USP49: variants seen among roughly 807,000 people sequenced by gnomAD.
USP49 encodes the protein ubiquitin specific peptidase 49, also known as ubiquitin carboxyl-terminal hydrolase 49.
USP49 carries 24 observed loss-of-function variants against 58.6 expected under a neutral mutation model. The ratio of observed to expected loss-of-function variants is 0.41; its 90% confidence interval spans 0.30 to 0.58. The LOEUF is 0.58. USP49 is among the 20% of genes least tolerant of loss of function. The probability of loss-of-function intolerance (pLI) is 0.30; values close to 1 mark genes in which losing one functional copy is unlikely to be tolerated. For missense variants in USP49, 703 were observed against 866.1 expected, an observed-to-expected ratio of 0.81 and a Z score of 2.36; for synonymous variants, 408 against 365.1, an observed-to-expected ratio of 1.12 and a Z score of -1.34.
chr6:41,818,642 AC>A (rs1773400083), intron 3 of USP49, among the ~76,000 whole-genome samples: 1 of 152,134 alleles, frequency 6.6e-6, no homozygotes, highest in Admixed American at 6.6e-5. Context: ...TCCCTCACTA[AC>A]CTGGGGAATC....
At position 41,853,956 on chromosome 6, in the gene USP49, G is replaced by A. The variant is rs189671568; in HGVS notation, c.-29+17608C>T. 1.1e-3 allele frequency among the ~76,000 whole-genome samples: 120 copies of A among 111,242 alleles called. 1 individual carries two copies. Among genetic ancestry groups the A allele is most frequent in the African/African-American group, 4.0e-3 (112 of 28,190 alleles). The allele number at this position is 111,242 out of a possible 152,430, so 73.0% of individuals were successfully genotyped here. On this transcript the variant is annotated intron_variant, in intron 3 of 7. Transcript: ENST00000682992. Reference sequence around the variant, plus strand: ...GGAGGTTGAGGTGAGCCAAGATTGCGCCATTGCACTCCAGCCTGGGCAACA... The same window carrying A: ...GGAGGTTGAGGTGAGCCAAGATTGCACCATTGCACTCCAGCCTGGGCAACA...
intron 3 of USP49, among the ~76,000 whole-genome samples, chr6:41,812,694 CA>C (rs1773280544): frequency 6.6e-6 from 1 of 151,512 alleles, no homozygotes; most frequent in South Asian, 2.1e-4. Flanking sequence ...GACTCCGTCT[CA>C]AAAAAAACTT....
chr6:41,807,077 T>TTAAA, intron 3 of USP49, 66 bp from the exon 4 acceptor site: 1 of 1,040,726 alleles, frequency 9.6e-7, no homozygotes, highest in Non-Finnish European at 1.2e-6. Flanking sequence ...ATATTTTCCT[T>TTAAA]AAAAAAAAAA....
At chr6:41,837,799 T>G (rs761230181) in intron 3 of USP49, among the ~76,000 whole-genome samples, 1 of 152,232 alleles carries the variant, frequency 6.6e-6, no homozygotes, top group South Asian at 2.1e-4. Flanking sequence ...GCAAAGGACA[T>G]GAACATACAT....
chr6:41,857,242 A>G (rs766044847), intron 3 of USP49, among the ~76,000 whole-genome samples: 1 of 152,256 alleles, frequency 6.6e-6, no homozygotes, highest in Non-Finnish European at 1.5e-5. Context: ...CCTAAAAAAT[A>G]AAACTGGAAG....
At chr6:41,812,233 C>A (rs1474742892) in intron 3 of USP49, among the ~76,000 whole-genome samples, 1 of 151,878 alleles carries the variant, frequency 6.6e-6, no homozygotes, top group South Asian at 2.1e-4. Flanking sequence ...GCATGCGCCA[C>A]CACGCCCGGC....
intron 3 of USP49, among the ~76,000 whole-genome samples, chr6:41,827,381 C>T (rs772755789): frequency 1.3e-5 from 2 of 152,104 alleles, no homozygotes; most frequent in Non-Finnish European, 1.5e-5. Context: ...ATAGTCAGGC[C>T]GGGCACAGTG....
chr6:41,817,389 A>G (rs139626442), intron 3 of USP49, among the ~76,000 whole-genome samples: 2,460 of 133,162 alleles, frequency 0.018, 57 homozygotes, highest in African/African-American at 0.058. Context: ...CTCATGATCC[A>G]CCCGACTCGG....
intron 5 of USP49, among the ~76,000 whole-genome samples, chr6:41,802,468 ATTTTTTATTTATTT>A (rs200916421): frequency 5.4e-4 from 40 of 73,894 alleles, no homozygotes; most frequent in African/African-American, 2.0e-3. Context: ...TTATTTATTT[ATTTTTTATTTATTT>A]TTTTTTTTTG....
In USP49 at chr6:41,806,601, A is replaced by G. The variant is rs775348333; in HGVS notation, c.383T>C (p.Leu128Pro). ...CTGTCCCTGAGGAGCGCGCTGCGGC[A>G]GGACCACGTCCTCACCCGAAGCCAT... ...RSMASGEDVV[L>P]PQRAPQGQPQ... The change falls in exon 4 of 8, where the codon CTG becomes CCG. Residue 128 changes from leucine (L) to proline (P), a missense_variant. Physicochemically the swap from Leu to Pro is moderately conservative, Grantham distance 98. Transcript: ENST00000682992. This position sits in a 1 kb window ranked among gnomAD's most constrained non-coding sequence, Gnocchi z 5.9. The G allele has an allele frequency of 1.2e-6, 2 of 1,607,856 alleles. No homozygotes were observed. Among genetic ancestry groups the G allele is most frequent in the Non-Finnish European group, 1.7e-6 (2 of 1,178,332 alleles).
At chr6:41,871,791 A>C (rs1426108629) in intron 2 of USP49, among the ~76,000 whole-genome samples, 154 bp from the exon 3 acceptor site, 1 of 152,250 alleles carries the variant, frequency 6.6e-6, no homozygotes, top group Non-Finnish European at 1.5e-5. Context: ...GTAAAAAAAA[A>C]ACTGTGATCT....
At chr6:41,861,167 G>A (rs2127354815) in intron 3 of USP49, among the ~76,000 whole-genome samples, 1 of 151,180 alleles carries the variant, frequency 6.6e-6, no homozygotes, top group East Asian at 2.0e-4. Context: ...ACCAGGGCCG[G>A]GCGCAGTGGC....
intron 2 of USP49, among the ~76,000 whole-genome samples, chr6:41,888,422 A>G (rs960363688): frequency 3.3e-5 from 5 of 151,926 alleles, no homozygotes; most frequent in African/African-American, 1.2e-4. Context: ...TGGGGAAAAA[A>G]GGAAAAGAAG....
chr6:41,844,479 A>G (rs1385098943), intron 3 of USP49, among the ~76,000 whole-genome samples: 1 of 151,782 alleles, frequency 6.6e-6, no homozygotes, highest in Non-Finnish European at 1.5e-5. Context: ...ATGCTCGGCT[A>G]GTTTTTTGTA....
chr6:41,828,102 A>C (rs1176841956), intron 3 of USP49, among the ~76,000 whole-genome samples: 1 of 152,134 alleles, frequency 6.6e-6, no homozygotes, highest in East Asian at 1.9e-4. Context: ...CAAAACATAT[A>C]ATCACCACTA....
intron 2 of USP49, among the ~76,000 whole-genome samples, chr6:41,889,739 C>G (rs147861074): frequency 2.0e-5 from 3 of 152,316 alleles, no homozygotes; most frequent in African/African-American, 7.2e-5. Context: ...TAAACACAAA[C>G]TAAACTTTTT....
chr6:41,802,436 A>ATTTTATTTTATTTTATTTTATTTTAT (rs775647919), intron 5 of USP49, among the ~76,000 whole-genome samples: 2 of 32,664 alleles, frequency 6.1e-5, no homozygotes, highest in African/African-American at 9.3e-5. Flanking sequence ...TATTTTATTT[A>ATTTTATTTTATTTTATTTTATTTTAT]TTTATTTATT....
chr6:41,814,461 G>T (rs1581998737), intron 3 of USP49, among the ~76,000 whole-genome samples: 2 of 152,132 alleles, frequency 1.3e-5, no homozygotes, highest in African/African-American at 4.8e-5. Context: ...TATGAGAGAT[G>T]ACAACATTAG....
chr6:41,844,265 G>T (rs1773881095), intron 3 of USP49, among the ~76,000 whole-genome samples: 1 of 151,638 alleles, frequency 6.6e-6, no homozygotes, highest in Admixed American at 6.6e-5. Context: ...CTAAATGATT[G>T]TTTAAAAATT....
Sources: allele counts gnomAD v4.1 joint callset (sites outside exome capture counted in the v4.1 genomes callset), GRCh38; gene constraint gnomAD v4.1.1; non-coding constraint Gnocchi (gnomAD v3.1); transcripts MANE v1.5; gene names NCBI Gene and HGNC (gene_info 2026-07-23, HGNC 2026-07-21).